The following CMAS variants were observed in gnomAD, a reference collection of about 807,000 sequenced individuals.
CMAS encodes cytidine monophosphate N-acetylneuraminic acid synthetase, also known as N-acylneuraminate cytidylyltransferase.
In CMAS, 21 loss-of-function variants were observed where a neutral mutation model predicts 53.4. The ratio of observed to expected loss-of-function variants is 0.39; its 90% confidence interval spans 0.28 to 0.57. The LOEUF (loss-of-function observed/expected upper bound fraction) is 0.57. CMAS is among the 20% of genes least tolerant of loss of function. The pLI is 0.56. For missense variants in CMAS, 384 were observed against 534.9 expected (o/e 0.72, Z 2.78); for synonymous variants, 189 against 195.2 (o/e 0.97, Z 0.27).
intron 6 of CMAS, 29 bp downstream of exon 6, chr12:22,061,481 T>TTATAA (rs1465259273): frequency 1.4e-6 from 2 of 1,400,930 alleles, no homozygotes; most frequent in Admixed American, 2.4e-5. Context: ...TAGCAGTATT[T>TTATAA]TATAATATTT....
chr12:22,054,101 A>G (rs1472356397), intron 1 of CMAS, among the ~76,000 whole-genome samples: 2 of 148,266 alleles, frequency 1.3e-5, no homozygotes, highest in Non-Finnish European at 2.9e-5. Context: ...TAATTTTTGT[A>G]TGTTTAGTAG....
At chr12:22,062,526 G>A (rs1228088456) in intron 7 of CMAS, 92 bp downstream of exon 7, 1 of 1,270,384 alleles carries the variant, frequency 7.9e-7, no homozygotes, top group Non-Finnish European at 1.1e-6. Flanking sequence ...TCCTCCAAAT[G>A]GGTATGATTG....
intron 1 of CMAS, 144 bp from the exon 2 acceptor site, chr12:22,055,005 A>G: frequency 2.1e-6 from 1 of 475,256 alleles, no homozygotes; most frequent in Non-Finnish European, 3.7e-6. Context: ...TACATTTTAT[A>G]CTCCTTTGGA....
At chr12:22,049,474 A>G (rs1354103417) in intron 1 of CMAS, among the ~76,000 whole-genome samples, 1 of 152,188 alleles carries the variant, frequency 6.6e-6, no homozygotes, top group Non-Finnish European at 1.5e-5. Flanking sequence ...ACTTCTTTTA[A>G]AAAAAGACTC....
intron 1 of CMAS, among the ~76,000 whole-genome samples, chr12:22,047,208 C>T (rs555683484): frequency 8.5e-5 from 13 of 152,260 alleles, no homozygotes; most frequent in Middle Eastern, 6.8e-3. Context: ...TTAATACTTA[C>T]AAATCATTTA....
At chr12:22,064,695 A>C in intron 7 of CMAS, among the ~76,000 whole-genome samples, 1 of 152,154 alleles carries the variant, frequency 6.6e-6, no homozygotes, top group East Asian at 1.9e-4. Flanking sequence ...CCTTTCCCCA[A>C]ATAAACTAGG....
intron 4 of CMAS, among the ~76,000 whole-genome samples, chr12:22,059,439 AGAG>A (rs1300448171): frequency 2.0e-5 from 3 of 152,150 alleles, no homozygotes; most frequent in Non-Finnish European, 4.4e-5. Flanking sequence ...CCAGTTTTAC[AGAG>A]GAGGAAAACT....
chr12:22,050,373 G>A (rs143224561), intron 1 of CMAS, among the ~76,000 whole-genome samples: 104 of 152,284 alleles, frequency 6.8e-4, no homozygotes, highest in African/African-American at 2.4e-3. Context: ...GATAATGTAC[G>A]TGCAGCCCTT....
chr12:22,055,005 A>T (rs1950258956), intron 1 of CMAS, 144 bp from the exon 2 acceptor site: 2 of 475,138 alleles, frequency 4.2e-6, no homozygotes, highest in Non-Finnish European at 7.4e-6. Flanking sequence ...TACATTTTAT[A>T]CTCCTTTGGA....
chr12:22,048,675 A>G (rs891593043), intron 1 of CMAS, among the ~76,000 whole-genome samples: 4 of 152,160 alleles, frequency 2.6e-5, no homozygotes, highest in African/African-American at 7.2e-5. Flanking sequence ...CTGTTTCCTC[A>G]AGGACCTGGG....
intron 1 of CMAS, among the ~76,000 whole-genome samples, chr12:22,054,516 GAA>G (rs1210981911): frequency 1.3e-5 from 2 of 151,958 alleles, no homozygotes; most frequent in Non-Finnish European, 2.9e-5. Context: ...GTTTAAAAAA[GAA>G]AGAGTTGTTT....
In CMAS at chr12:22,059,145, TA is replaced by T. The variant is rs1476215634; in HGVS notation, c.693+446del. Among the ~76,000 whole-genome samples the T allele has an allele frequency of 1.2e-4, 14 of 121,214 alleles. No homozygotes were observed. The East Asian group carries it at 1.7e-3, about 15-fold the overall frequency. The allele number at this position is 121,214 out of a possible 152,430, so 79.5% of individuals were successfully genotyped here. On this transcript the variant is annotated intron_variant, in intron 4 of 7. Transcript: ENST00000229329. Reference sequence around the variant, plus strand: ...GAATCTTTTTATATATATATATATATATATTTTTTTTTTTTTTTATTATACT... The same window carrying T: ...GAATCTTTTTATATATATATATATATTATTTTTTTTTTTTTTTATTATACT...
chr12:22,058,018 C>T (rs1293612034), intron 3 of CMAS, among the ~76,000 whole-genome samples: 1 of 151,336 alleles, frequency 6.6e-6, no homozygotes, highest in Non-Finnish European at 1.5e-5. Flanking sequence ...GTGGAGATGG[C>T]GTTTCACTAT....
intron 1 of CMAS, among the ~76,000 whole-genome samples, chr12:22,053,789 G>A (rs1950250578): frequency 6.7e-6 from 1 of 149,486 alleles, no homozygotes; most frequent in Admixed American, 6.6e-5. Flanking sequence ...TGAGGCAGGA[G>A]AATGGCATGA....
At chr12:22,053,655 G>A (rs576785236) in intron 1 of CMAS, among the ~76,000 whole-genome samples, 3 of 150,704 alleles carry the variant, frequency 2.0e-5, no homozygotes, top group African/African-American at 7.3e-5. Flanking sequence ...CGAGACGGGC[G>A]GATCACGAGG....
chr12:22,053,634 CT>C (rs1565529661), intron 1 of CMAS, among the ~76,000 whole-genome samples: 1 of 150,398 alleles, frequency 6.6e-6, no homozygotes, highest in Non-Finnish European at 1.5e-5. Context: ...AATCCTAGCA[CT>C]TTGGGAGGCC....
intron 4 of CMAS, among the ~76,000 whole-genome samples, chr12:22,059,766 G>A (rs543834359): frequency 1.4e-3 from 218 of 151,864 alleles, no homozygotes; most frequent in African/African-American, 4.8e-3. Flanking sequence ...TTCTAAGGAG[G>A]ACCATGATTA....
chr12:22,061,992 G>A (rs1385857313), intron 6 of CMAS, among the ~76,000 whole-genome samples: 1 of 152,084 alleles, frequency 6.6e-6, no homozygotes, highest in Non-Finnish European at 1.5e-5. Context: ...AGTAGTATCA[G>A]ACAATATATG....
chr12:22,060,360 A>AAAAAAAAAT (rs1950300664), intron 4 of CMAS, among the ~76,000 whole-genome samples: 2 of 121,762 alleles, frequency 1.6e-5, no homozygotes, highest in Non-Finnish European at 3.6e-5. Context: ...AAAAAAAAAA[A>AAAAAAAAAT]GCTGGGCGTG....
Sources: gnomAD v4.1 joint callset for allele counts (sites outside exome capture counted in the v4.1 genomes callset) on GRCh38, gnomAD v4.1.1 for gene constraint, MANE v1.5 for transcripts, NCBI Gene and HGNC (gene_info 2026-07-23, HGNC 2026-07-21) for gene names.